TENM4: variants seen among roughly 807,000 people sequenced by gnomAD.
TENM4 encodes the protein teneurin-4.
A neutral mutation model predicts 243.3 loss-of-function variants in TENM4; 82 were observed. The observed-to-expected ratio is 0.34, with a 90% CI of 0.28 to 0.40. The LOEUF (loss-of-function observed/expected upper bound fraction) is 0.40. Ranked by LOEUF, TENM4 falls within the 10% of genes least tolerant of loss-of-function variation. The pLI is 1.00. For missense variants in TENM4, 3,138 were observed against 3,673.3 expected, an observed-to-expected ratio of 0.85 and a Z score of 3.77; for synonymous variants, 1,412 against 1,456.3, an observed-to-expected ratio of 0.97 and a Z score of 0.69.
At chr11:79,214,343 C>A (rs901039773) in intron 3 of TENM4, among the ~76,000 whole-genome samples, 7 of 152,190 alleles carry the variant, frequency 4.6e-5, no homozygotes, top group Non-Finnish European at 1.0e-4. Flanking sequence ...TATGTCTCTA[C>A]TGCACAGCAT....
At chr11:79,057,620 A>C (rs921364194) in intron 6 of TENM4, among the ~76,000 whole-genome samples, 3 of 151,932 alleles carry the variant, frequency 2.0e-5, no homozygotes, top group Non-Finnish European at 4.4e-5. Flanking sequence ...TTCATCATCA[A>C]TTTTCCCACT....
At chr11:79,000,824 A>C (rs1309976322) in intron 6 of TENM4, among the ~76,000 whole-genome samples, 1 of 152,236 alleles carries the variant, frequency 6.6e-6, no homozygotes, top group Non-Finnish European at 1.5e-5. Context: ...TGAGGTCAGG[A>C]GTTCTAGACC....
intron 1 of TENM4, among the ~76,000 whole-genome samples, chr11:79,432,499 C>T (rs188446480): frequency 7.5e-4 from 114 of 152,256 alleles, no homozygotes; most frequent in Non-Finnish European, 1.3e-3. Context: ...TCACTGTGGA[C>T]CTCATCAATA....
At chr11:78,781,572 A>G (rs1433170826) in intron 16 of TENM4, among the ~76,000 whole-genome samples, 3 of 152,088 alleles carry the variant, frequency 2.0e-5, no homozygotes, top group African/African-American at 7.2e-5. Context: ...GAGGTTTCCA[A>G]AAGTTTCTCT....
At chr11:79,414,806 C>T (rs903108514) in intron 1 of TENM4, among the ~76,000 whole-genome samples, 3 of 152,222 alleles carry the variant, frequency 2.0e-5, no homozygotes, top group African/African-American at 7.2e-5. Flanking sequence ...CTGCCTGAAT[C>T]ATGGGCAAAA....
Position 78,676,400 on chromosome 11 carries a change from A to G in TENM4, c.5261-13T>C, listed in dbSNP as rs1322047577. ...TTCCGGACTTGGTCTGCAGGAGAGGACAAGCACAGACTGCTCAGAAGGAAC... is the reference window on the plus strand; with the variant it reads ...TTCCGGACTTGGTCTGCAGGAGAGGGCAAGCACAGACTGCTCAGAAGGAAC... On this transcript the variant is annotated splice_polypyrimidine_tract_variant and intron_variant, in intron 29 of 33. Transcript: ENST00000278550. 6.3e-7 allele frequency: 1 copy of G among 1,574,970 alleles called. No individual in the cohort carries two copies.
chr11:79,139,751 T>TATATTATATTTATATAAATATATA, intron 4 of TENM4, among the ~76,000 whole-genome samples: 1 of 27,364 alleles, frequency 3.7e-5, no homozygotes, highest in African/African-American at 1.2e-4. Flanking sequence ...AAATATATAA[T>TATATTATATTTATATAAATATATA]ATATATTATA....
intron 27 of TENM4, among the ~76,000 whole-genome samples, chr11:78,704,863 A>C (rs2135779550): frequency 6.6e-6 from 1 of 152,336 alleles, no homozygotes; most frequent in South Asian, 2.1e-4. Context: ...CTGTCCCTGC[A>C]GCTCAGGGAC....
chr11:78,904,401 G>A (rs1216736823), intron 6 of TENM4, among the ~76,000 whole-genome samples: 1 of 149,434 alleles, frequency 6.7e-6, no homozygotes, highest in African/African-American at 2.5e-5. Flanking sequence ...TACTGAGATG[G>A]TGATAAATCT....
At chr11:78,731,089 T>G (rs1236950516) in intron 21 of TENM4, among the ~76,000 whole-genome samples, 1 of 152,212 alleles carries the variant, frequency 6.6e-6, no homozygotes, top group African/African-American at 2.4e-5. Flanking sequence ...ATAAGCAAGA[T>G]TTTTGCCCTA....
intron 1 of TENM4, among the ~76,000 whole-genome samples, chr11:79,377,279 G>T (rs138547892): frequency 6.7e-4 from 102 of 152,312 alleles, no homozygotes; most frequent in African/African-American, 2.4e-3. Flanking sequence ...TGAGAGAAGA[G>T]ATTTCTATTG....
rs144846650 is a variant in TENM4, at chr11:78,672,533, A to G, written c.5497-204T>C. On this transcript the variant is annotated intron_variant, in intron 30 of 33. Transcript: ENST00000278550. ...TTTCCTCACCTGTAAAATGGGGACA[A>G]TAATGCCAATTGCACAGGGTTGTTG... 4.1e-3 allele frequency among the ~76,000 whole-genome samples: 620 copies of G among 152,326 alleles called. 5 individuals carry two copies. Among genetic ancestry groups the G allele is most frequent in the African/African-American group, 0.014 (573 of 41,592 alleles).
At chr11:79,042,455 C>T (rs575967972) in intron 6 of TENM4, among the ~76,000 whole-genome samples, 2 of 152,244 alleles carry the variant, frequency 1.3e-5, no homozygotes, top group Non-Finnish European at 2.9e-5. Flanking sequence ...GGATTAGTGA[C>T]CTTATAAAAG....
intron 3 of TENM4, among the ~76,000 whole-genome samples, chr11:79,195,756 A>G (rs1863614536): frequency 6.6e-6 from 1 of 152,166 alleles, no homozygotes; most frequent in Non-Finnish European, 1.5e-5. Context: ...TGGACTGTGG[A>G]CTTTTAGGTT....
chr11:79,100,927 G>T (rs893126506), intron 4 of TENM4, among the ~76,000 whole-genome samples: 10 of 152,128 alleles, frequency 6.6e-5, no homozygotes, highest in South Asian at 2.1e-4. Flanking sequence ...CCCAGAAAAG[G>T]TCACACCAGA....
At chr11:78,865,087 G>C (rs951969924) in intron 9 of TENM4, among the ~76,000 whole-genome samples, 2 of 152,098 alleles carry the variant, frequency 1.3e-5, no homozygotes, top group African/African-American at 4.8e-5. Flanking sequence ...ATTTACAGAG[G>C]TGCATATTAA....
intron 4 of TENM4, among the ~76,000 whole-genome samples, chr11:79,110,941 C>G (rs1861489867): frequency 6.6e-6 from 1 of 152,194 alleles, no homozygotes; most frequent in African/African-American, 2.4e-5. Flanking sequence ...CACTCAACAA[C>G]AGCCATTCCT....
intron 1 of TENM4, among the ~76,000 whole-genome samples, chr11:79,325,674 G>A (rs767872564): frequency 1.3e-5 from 2 of 152,208 alleles, no homozygotes; most frequent in African/African-American, 2.4e-5. Context: ...CTCACTGTAG[G>A]AAAGTACCCA....
chr11:79,003,535 A>G (rs923307905), intron 6 of TENM4, among the ~76,000 whole-genome samples: 1 of 152,220 alleles, frequency 6.6e-6, no homozygotes, highest in Non-Finnish European at 1.5e-5. Context: ...CAAGAATTTC[A>G]TATCCAGCCA....
Sources: allele counts gnomAD v4.1 joint callset (sites outside exome capture counted in the v4.1 genomes callset), GRCh38; gene constraint gnomAD v4.1.1; transcripts MANE v1.5; gene names NCBI Gene and HGNC (gene_info 2026-07-23, HGNC 2026-07-21).